ASIC2: variants seen among roughly 807,000 people sequenced by gnomAD.
ASIC2 encodes acid-sensing ion channel 2.
In ASIC2, 25 loss-of-function variants were observed where a neutral mutation model predicts 57.3. That is an observed-to-expected ratio of 0.44 (90% CI 0.32 to 0.61). ASIC2 has a LOEUF of 0.61. Among genes scored for constraint, ASIC2 ranks in the 20% least tolerant of loss-of-function variants. The pLI is 0.06. For missense variants in ASIC2, 641 were observed against 738.1 expected, an observed-to-expected ratio of 0.87 and a Z score of 1.52; for synonymous variants, 319 against 307.5, an observed-to-expected ratio of 1.04 and a Z score of -0.39.
intron 1 of ASIC2, among the ~76,000 whole-genome samples, chr17:33,489,910 C>T (rs1017200893): frequency 6.6e-6 from 1 of 152,178 alleles, no homozygotes; most frequent in Non-Finnish European, 1.5e-5. Flanking sequence ...CTTGGCTTTA[C>T]CTTGAAATAA....
Position 33,940,986 on chromosome 17 carries a change from C to G in ASIC2, c.555+214992G>C, listed in dbSNP as rs149247980. Among the ~76,000 whole-genome samples the G allele has an allele frequency of 5.4e-3, 823 of 152,370 alleles. 19 individuals carry two copies. Among genetic ancestry groups the G allele is most frequent in the African/African-American group, 0.016 (686 of 41,590 alleles). On this transcript the variant is annotated intron_variant, in intron 1 of 9. Coordinates refer to the ASIC2 transcript ENST00000359872. ...CAGGCTGAGGTGTTTAGATTCCATT[C>G]TAAGTGCGGTGAAGAACTATCTAAG...
intron 1 of ASIC2, among the ~76,000 whole-genome samples, chr17:33,226,877 AATG>A (rs1195763660): frequency 6.6e-6 from 1 of 152,244 alleles, no homozygotes; most frequent in African/African-American, 2.4e-5. Context: ...AGTAAAAAGA[AATG>A]ATAAAATTAA....
chr17:33,331,630 T>C (rs1411461931), intron 1 of ASIC2, among the ~76,000 whole-genome samples: 1 of 152,256 alleles, frequency 6.6e-6, no homozygotes, highest in African/African-American at 2.4e-5. Flanking sequence ...GAGTAAAATA[T>C]AACCCTTTGT....
intron 1 of ASIC2, among the ~76,000 whole-genome samples, chr17:33,781,427 A>G (rs983162553): frequency 2.0e-5 from 3 of 152,176 alleles, no homozygotes; most frequent in African/African-American, 7.2e-5. Context: ...TGCTGGGGAC[A>G]GCGCAGGATG....
chr17:33,115,581 G>A (rs1409457016), intron 1 of ASIC2, among the ~76,000 whole-genome samples: 4 of 152,082 alleles, frequency 2.6e-5, no homozygotes, highest in Admixed American at 2.0e-4. Flanking sequence ...ATGTTCTGGC[G>A]CGCTTTGCCT....
At chr17:33,052,957 G>A (rs1463360820) in intron 3 of ASIC2, 1 of 152,192 alleles carries the variant, frequency 6.6e-6, no homozygotes, top group Admixed American at 6.5e-5. Context: ...GCTAAAGAGA[G>A]ATGAGCCTGA....
At chr17:33,565,203 T>C (rs1444833501) in intron 1 of ASIC2, among the ~76,000 whole-genome samples, 1 of 152,164 alleles carries the variant, frequency 6.6e-6, no homozygotes. Flanking sequence ...GCAGGATCTC[T>C]CTCTCTCATT....
At chr17:33,678,435 C>CCACACAAACACACACACA (rs1907894762) in intron 1 of ASIC2, among the ~76,000 whole-genome samples, 1 of 139,508 alleles carries the variant, frequency 7.2e-6, no homozygotes, top group Non-Finnish European at 1.6e-5. Context: ...CTGGTTCAAT[C>CCACACAAACACACACACA]CACACACACA....
chr17:33,971,446 C>T (rs754645188), intron 1 of ASIC2, among the ~76,000 whole-genome samples: 30 of 152,200 alleles, frequency 2.0e-4, no homozygotes, highest in Non-Finnish European at 3.7e-4. Context: ...CAAATGCATA[C>T]ACAAACATAC....
At chr17:33,510,329 A>C (rs1356851591) in intron 1 of ASIC2, among the ~76,000 whole-genome samples, 1 of 152,194 alleles carries the variant, frequency 6.6e-6, no homozygotes, top group Admixed American at 6.5e-5. Context: ...GAATTCACAT[A>C]CAATTCTGGA....
intron 1 of ASIC2, among the ~76,000 whole-genome samples, chr17:33,782,445 A>G (rs1477568849): frequency 6.6e-6 from 1 of 151,826 alleles, no homozygotes; most frequent in Non-Finnish European, 1.5e-5. Flanking sequence ...TAAAAATATA[A>G]GCTGGCCAGG....
At chr17:33,709,608 A>C (rs1908965240) in intron 1 of ASIC2, among the ~76,000 whole-genome samples, 1 of 152,182 alleles carries the variant, frequency 6.6e-6, no homozygotes, top group South Asian at 2.1e-4. Context: ...GTACCAATCT[A>C]TGGTACCTTG....
intron 1 of ASIC2, among the ~76,000 whole-genome samples, chr17:33,736,580 T>C (rs148905294): frequency 6.6e-6 from 1 of 152,300 alleles, no homozygotes; most frequent in African/African-American, 2.4e-5. Context: ...TCTGTGATGA[T>C]TCACTGACTC....
At chr17:33,840,638 G>A (rs1913407374) in intron 1 of ASIC2, among the ~76,000 whole-genome samples, 1 of 152,170 alleles carries the variant, frequency 6.6e-6, no homozygotes, top group Non-Finnish European at 1.5e-5. Flanking sequence ...TTGAGAAGGG[G>A]AGTTGACATC....
intron 1 of ASIC2, among the ~76,000 whole-genome samples, chr17:33,765,488 A>G (rs1910908983): frequency 6.6e-6 from 1 of 151,832 alleles, no homozygotes; most frequent in Non-Finnish European, 1.5e-5. Context: ...CTTCCTACCC[A>G]CCCAAAGATG....
chr17:33,794,844 A>C (rs753076114), intron 1 of ASIC2: 3 of 152,162 alleles, frequency 2.0e-5, no homozygotes, highest in Non-Finnish European at 2.9e-5. Context: ...CAGGTAGCAC[A>C]GTTTAGTAGA....
intron 1 of ASIC2, among the ~76,000 whole-genome samples, chr17:33,741,540 AG>A (rs1308976990): frequency 6.6e-6 from 1 of 152,200 alleles, no homozygotes; most frequent in Non-Finnish European, 1.5e-5. Context: ...GGAGATTCCA[AG>A]GGGGCATAAA....
At chr17:33,260,229 T>C (rs1257819288) in intron 1 of ASIC2, among the ~76,000 whole-genome samples, 1 of 152,102 alleles carries the variant, frequency 6.6e-6, no homozygotes, top group Non-Finnish European at 1.5e-5. Context: ...TCCTGGCCCC[T>C]GAATCCAGGA....
intron 1 of ASIC2, among the ~76,000 whole-genome samples, chr17:33,509,479 A>G (rs755277854): frequency 2.0e-5 from 3 of 152,146 alleles, no homozygotes; most frequent in Non-Finnish European, 2.9e-5. Flanking sequence ...TCTGTGTTCT[A>G]TGCTCTTCCC....
Sources: allele counts gnomAD v4.1 joint callset (sites outside exome capture counted in the v4.1 genomes callset), GRCh38; gene constraint gnomAD v4.1.1; transcripts MANE v1.5; gene names NCBI Gene and HGNC (gene_info 2026-07-23, HGNC 2026-07-21).